ANKFN1: variants seen among roughly 807,000 people sequenced by gnomAD.
ANKFN1 encodes the protein ankyrin repeat and fibronectin type-III domain-containing protein 1.
A neutral mutation model predicts 108.7 loss-of-function variants in ANKFN1; 74 were observed. The observed-to-expected ratio is 0.68, with a 90% confidence interval of 0.56 to 0.83. The LOEUF (loss-of-function observed/expected upper bound fraction) is 0.83, where lower values mean the gene tolerates loss of function less well. Among genes scored for constraint, ANKFN1 ranks in the 40% least tolerant of loss-of-function variants. The pLI is 0.00. For missense variants in ANKFN1, 1,505 were observed against 1,382.3 expected (o/e 1.09, Z -1.41); for synonymous variants, 547 against 516.2 (o/e 1.06, Z -0.81).
chr17:56,493,212 C>A (rs778369893), intron 19 of ANKFN1, among the ~76,000 whole-genome samples: 4 of 152,022 alleles, frequency 2.6e-5, no homozygotes, highest in Non-Finnish European at 4.4e-5. Context: ...TGTGTAAATA[C>A]AATTTGTAAA....
intron 4 of ANKFN1, among the ~76,000 whole-genome samples, chr17:56,346,233 G>A (rs1037552406): frequency 3.9e-5 from 6 of 152,022 alleles, no homozygotes; most frequent in African/African-American, 1.4e-4. Context: ...TCTCTGTTCT[G>A]TTCCGTTGGT....
At chr17:56,316,973 C>T (rs1012867106) in intron 3 of ANKFN1, among the ~76,000 whole-genome samples, 3 of 152,164 alleles carry the variant, frequency 2.0e-5, no homozygotes, top group African/African-American at 7.2e-5. Flanking sequence ...GAAAACATTC[C>T]TGATAAATAA....
In ANKFN1 at chr17:56,353,902, C is replaced by G. The variant is rs753020153; in HGVS notation, c.457C>G (p.Leu153Val). The G allele has an allele frequency of 6.2e-7, 1 of 1,613,966 alleles. No homozygotes were observed. The highest frequency in any genetic ancestry group is 1.3e-5 in the African/African-American group (1 of 75,016). ...GCAGGACATGGATGCTGTGCAGATCCTCCTGTATCAGTACACACCAGAAGA... is the reference window on the plus strand; with the variant it reads ...GCAGGACATGGATGCTGTGCAGATCGTCCTGTATCAGTACACACCAGAAGA... ...EQQDMDAVQI[L>V]LYQYTPEELD... The change falls in exon 6 of 21, where the codon CTC becomes GTC. Residue 153 changes from leucine to valine, a missense_variant. Leu to Val is a conservative substitution (Grantham distance 32). Transcript: ENST00000682825.
At chr17:56,465,209 T>C (rs1196823842) in intron 14 of ANKFN1, among the ~76,000 whole-genome samples, 1 of 152,042 alleles carries the variant, frequency 6.6e-6, no homozygotes, top group Non-Finnish European at 1.5e-5. Flanking sequence ...AGAAGTCAAA[T>C]ATTGGAAAGA....
intron 4 of ANKFN1, among the ~76,000 whole-genome samples, chr17:56,054,879 C>T (rs979388411): frequency 6.6e-6 from 1 of 152,088 alleles, no homozygotes; most frequent in African/African-American, 2.4e-5. Context: ...GAGCAAGACC[C>T]TGTCTCAAAA....
intron 4 of ANKFN1, among the ~76,000 whole-genome samples, chr17:56,073,439 G>C (rs1905144617): frequency 6.6e-6 from 1 of 152,122 alleles, no homozygotes; most frequent in African/African-American, 2.4e-5. Context: ...ATTTATGTCT[G>C]TTCATTTGTG....
At chr17:56,428,769 C>G (rs1226248557) in intron 8 of ANKFN1, among the ~76,000 whole-genome samples, 5 of 152,022 alleles carry the variant, frequency 3.3e-5, no homozygotes, top group Non-Finnish European at 7.4e-5. Context: ...GCCCATGGCC[C>G]CTTCTTAAAA....
At chr17:56,266,791 TA>T (rs966376462) in intron 3 of ANKFN1, among the ~76,000 whole-genome samples, 90 of 152,230 alleles carry the variant, frequency 5.9e-4, no homozygotes, top group African/African-American at 2.0e-3. Context: ...GATTCATCAC[TA>T]AAAAAACAAA....
rs547875766 is a variant in ANKFN1 at position 56,374,505 on chromosome 17, A to G, written c.797-96A>G. On this transcript the variant is annotated intron_variant, in intron 7 of 20. Transcript: ENST00000682825. ...TTAGGCTCCACAAACAAATGTTTCC[A>G]TAGTATTCATTTCAGGGTATCCTTT... The G allele has an allele frequency of 7.3e-5, 64 of 876,950 alleles. No homozygotes were observed. In the South Asian group the frequency reaches 8.6e-4, roughly 12 times the overall value. 54.3% of individuals were successfully genotyped at this position (876,950 alleles called of 1,614,324 possible).
chr17:56,280,878 G>A (rs140625017), intron 3 of ANKFN1, among the ~76,000 whole-genome samples: 10,222 of 152,202 alleles, frequency 0.067, 879 homozygotes, highest in African/African-American at 0.2. Flanking sequence ...GGACCTAGTG[G>A]GAGGTAATTG....
chr17:56,383,576 C>A (rs180892830), intron 8 of ANKFN1, among the ~76,000 whole-genome samples: 101 of 152,136 alleles, frequency 6.6e-4, no homozygotes, highest in African/African-American at 2.4e-3. Flanking sequence ...AATTGATAGA[C>A]CACTAGCAAG....
At chr17:56,327,484 A>G (rs1249530873) in intron 4 of ANKFN1, among the ~76,000 whole-genome samples, 1 of 152,186 alleles carries the variant, frequency 6.6e-6, no homozygotes, top group East Asian at 1.9e-4. Context: ...ATGCTTCTCT[A>G]AATAAAAACC....
chr17:56,254,643 C>T (rs1417966184), intron 3 of ANKFN1, among the ~76,000 whole-genome samples: 1 of 152,180 alleles, frequency 6.6e-6, no homozygotes, highest in African/African-American at 2.4e-5. Flanking sequence ...TTCTCAACCC[C>T]TAGTGCACAT....
chr17:56,294,216 G>T (rs2044446410), intron 3 of ANKFN1, among the ~76,000 whole-genome samples: 2 of 152,190 alleles, frequency 1.3e-5, no homozygotes, highest in Non-Finnish European at 2.9e-5. Flanking sequence ...TTCTGGTTTA[G>T]CTCTGTTTAG....
intron 16 of ANKFN1, 97 bp downstream of exon 16, chr17:56,477,751 G>A (rs1355302449): frequency 5.7e-5 from 80 of 1,414,514 alleles, no homozygotes; most frequent in Non-Finnish European, 7.7e-6. Context: ...TACTTCCAGG[G>A]CAGTTTTTAT....
chr17:56,328,221 T>C (rs2045574423), intron 4 of ANKFN1, among the ~76,000 whole-genome samples: 1 of 152,204 alleles, frequency 6.6e-6, no homozygotes, highest in South Asian at 2.1e-4. Context: ...ATAATCCATG[T>C]ATAGAACTTA....
chr17:56,425,004 A>G (rs189281291), intron 8 of ANKFN1, among the ~76,000 whole-genome samples: 45 of 152,294 alleles, frequency 3.0e-4, no homozygotes, highest in African/African-American at 1.1e-3. Flanking sequence ...ACTGTTTGCA[A>G]TTGAACTTTG....
In ANKFN1 at chr17:56,511,485, C is replaced by A; in HGVS notation, c.*216C>A. On this transcript the variant is annotated 3_prime_UTR_variant, in exon 21 of 21. Transcript: ENST00000682825. ...CATTCCCACTTCAGCCTAGAAAGGGCATGGGGGAGTTGTGTCAACATGGAA... is the reference window on the plus strand; with the variant it reads ...CATTCCCACTTCAGCCTAGAAAGGGAATGGGGGAGTTGTGTCAACATGGAA... 1 of 572,102 alleles carries A rather than the reference C, an allele frequency of 1.7e-6. No individual in the cohort carries two copies. Among genetic ancestry groups the A allele is most frequent in the African/African-American group, 1.9e-5 (1 of 53,290 alleles). 35.4% of individuals were successfully genotyped at this position (572,102 alleles called of 1,614,324 possible).
intron 4 of ANKFN1, among the ~76,000 whole-genome samples, chr17:56,136,725 C>T (rs949266682): frequency 1.3e-5 from 2 of 152,082 alleles, no homozygotes; most frequent in African/African-American, 4.8e-5. Flanking sequence ...CTTGACATGC[C>T]AAGATTCAAA....
Sources: allele counts gnomAD v4.1 joint callset (sites outside exome capture counted in the v4.1 genomes callset), GRCh38; gene constraint gnomAD v4.1.1; transcripts MANE v1.5; gene names NCBI Gene and HGNC (gene_info 2026-07-23, HGNC 2026-07-21).